The following DPP10 variants were observed in gnomAD, a reference collection of about 807,000 sequenced individuals.
DPP10 encodes the protein dipeptidyl peptidase like 10.
In DPP10, 33 loss-of-function variants were observed where a neutral mutation model predicts 120.9. The ratio of observed to expected loss-of-function variants is 0.27; its 90% CI spans 0.21 to 0.37. The LOEUF (loss-of-function observed/expected upper bound fraction) is 0.37. Among genes scored for constraint, DPP10 ranks in the 10% least tolerant of loss-of-function variants. The pLI is 1.00. For synonymous variants in DPP10, 337 were observed against 326.1 expected, an observed-to-expected ratio of 1.03 and a Z score of -0.36; for missense variants, 816 against 942.8, an observed-to-expected ratio of 0.87 and a Z score of 1.76.
intron 5 of DPP10, among the ~76,000 whole-genome samples, chr2:115,527,344 C>G (rs1177703927): frequency 6.6e-6 from 1 of 152,008 alleles, no homozygotes; most frequent in Non-Finnish European, 1.5e-5. Flanking sequence ...AAAAAGCCCA[C>G]AAAAAACAAA....
intron 7 of DPP10, among the ~76,000 whole-genome samples, chr2:115,724,936 G>A (rs537067782): frequency 2.6e-5 from 4 of 152,194 alleles, no homozygotes; most frequent in East Asian, 3.9e-4. Context: ...GATCTCACAC[G>A]AACCCACTCA....
chr2:114,582,162 CT>C (rs1690583327), intron 1 of DPP10, among the ~76,000 whole-genome samples: 1 of 152,172 alleles, frequency 6.6e-6, no homozygotes, highest in Non-Finnish European at 1.5e-5. Flanking sequence ...CTTTTTATGT[CT>C]CCATAGTTTT....
chr2:115,270,545 T>C (rs1003830357), intron 1 of DPP10, among the ~76,000 whole-genome samples: 11 of 152,226 alleles, frequency 7.2e-5, no homozygotes, highest in Non-Finnish European at 1.6e-4. Context: ...GACATTAGGT[T>C]TTGTGGTACT....
intron 7 of DPP10, among the ~76,000 whole-genome samples, chr2:115,712,765 CAAAAT>C: frequency 6.6e-6 from 1 of 150,680 alleles, no homozygotes; most frequent in Admixed American, 6.6e-5. Context: ...TGTAGTTATT[CAAAAT>C]AAAATAATAA....
chr2:114,688,211 G>T (rs988926393), intron 1 of DPP10, among the ~76,000 whole-genome samples: 1 of 151,884 alleles, frequency 6.6e-6, no homozygotes, highest in African/African-American at 2.4e-5. Flanking sequence ...TGGAGAAGAG[G>T]GTGGGGCTAG....
At chr2:115,328,333 T>C (rs972050248) in intron 2 of DPP10, among the ~76,000 whole-genome samples, 1 of 152,098 alleles carries the variant, frequency 6.6e-6, no homozygotes, top group African/African-American at 2.4e-5. Context: ...TTGAAAAAGG[T>C]CTCAGAAAGA....
chr2:114,689,550 A>G (rs1258952588), intron 1 of DPP10, among the ~76,000 whole-genome samples: 1 of 151,934 alleles, frequency 6.6e-6, no homozygotes, highest in East Asian at 1.9e-4. Context: ...ACATATGTGT[A>G]CATACATCTT....
intron 3 of DPP10, among the ~76,000 whole-genome samples, chr2:115,414,890 AGG>A: frequency 6.7e-6 from 1 of 148,658 alleles, no homozygotes; most frequent in African/African-American, 2.5e-5. Flanking sequence ...AAGGCTTGGA[AGG>A]TAAGTAAGCA....
chr2:115,446,765 C>G (rs1377059251), intron 3 of DPP10, among the ~76,000 whole-genome samples: 1 of 152,116 alleles, frequency 6.6e-6, no homozygotes, highest in African/African-American at 2.4e-5. Flanking sequence ...CACTATTTTA[C>G]TGGGGCCCAT....
At chr2:115,801,111 T>C (rs1685180261) in intron 19 of DPP10, among the ~76,000 whole-genome samples, 1 of 152,022 alleles carries the variant, frequency 6.6e-6, no homozygotes, top group South Asian at 2.1e-4. Context: ...TTTATTTCCT[T>C]GAGCAGTGGT....
intron 1 of DPP10, among the ~76,000 whole-genome samples, chr2:114,451,779 A>G (rs891169188): frequency 6.6e-6 from 1 of 152,132 alleles, no homozygotes; most frequent in Non-Finnish European, 1.5e-5. Flanking sequence ...ATCTAAATTC[A>G]GGACACAGTT....
intron 1 of DPP10, among the ~76,000 whole-genome samples, chr2:114,763,525 T>C (rs954148599): frequency 3.3e-5 from 5 of 152,326 alleles, no homozygotes; most frequent in East Asian, 1.9e-4. Context: ...GTTTAAAGTA[T>C]GTTTCTGGAT....
chr2:115,842,299 A>C lies in DPP10; in HGVS notation c.2345A>C (p.Lys782Thr). The C allele has an allele frequency of 6.2e-7, 1 of 1,614,068 alleles. No individual in the cohort carries two copies. Among genetic ancestry groups the C allele is most frequent in the Non-Finnish European group, 8.5e-7 (1 of 1,179,944 alleles). Residue 782 changes from lysine (K) to threonine (T), a missense_variant, in exon 26 of 26, where the codon AAG becomes ACG. Coordinates refer to ENST00000410059, the MANE Select transcript of DPP10 (RefSeq NM_020868.6). The stretch of plus-strand genomic sequence containing the variant: ...CTCAAATTCTTCAGTGATTGTTTGA[A>C]GGAAGAAATATCTGTGCTACCACAG... Reference protein sequence around the residue: ...TILKFFSDCLKEEISVLPQEP... With the variant: ...TILKFFSDCLTEEISVLPQEP...
At chr2:114,449,933 AT>A (rs914933528) in intron 1 of DPP10, among the ~76,000 whole-genome samples, 6 of 152,194 alleles carry the variant, frequency 3.9e-5, no homozygotes. Flanking sequence ...CATCTGCAAG[AT>A]TTCATCATGA....
intron 24 of DPP10, 135 bp downstream of exon 24, chr2:115,836,881 C>T: frequency 1.4e-6 from 1 of 708,314 alleles, no homozygotes; most frequent in African/African-American, 1.8e-5. Context: ...GAATCAGATA[C>T]ATGATAGAAG....
At chr2:115,680,479 C>G (rs1479595548) in intron 5 of DPP10, among the ~76,000 whole-genome samples, 1 of 151,772 alleles carries the variant, frequency 6.6e-6, no homozygotes, top group Non-Finnish European at 1.5e-5. Flanking sequence ...AGAAAAATGA[C>G]AAATTACAGA....
In DPP10 at chr2:114,460,425, T is replaced by C. The variant is rs1678834216; in HGVS notation, c.60+17587T>C. Among the ~76,000 whole-genome samples, 3 of 152,166 alleles carry C rather than the reference T, an allele frequency of 2.0e-5. No homozygotes were observed. The South Asian group carries it at 6.2e-4, about 32-fold the overall frequency. ...CTAGGGTTTAATTACAATTACTTCC[T>C]AGAGAAAAAGCTCCTTTGTCTGAAC... On this transcript the variant is annotated intron_variant, in intron 1 of 25. Transcript: ENST00000410059.
At chr2:115,006,915 AT>A (rs1275271334) in intron 1 of DPP10, among the ~76,000 whole-genome samples, 1 of 151,882 alleles carries the variant, frequency 6.6e-6, no homozygotes, top group Admixed American at 6.6e-5. Flanking sequence ...CAGAATATAC[AT>A]TTTTTTCAGC....
intron 3 of DPP10, among the ~76,000 whole-genome samples, chr2:115,414,230 T>A (rs1048712144): frequency 6.6e-6 from 1 of 152,172 alleles, no homozygotes; most frequent in Non-Finnish European, 1.5e-5. Flanking sequence ...CCCACTCTAT[T>A]ATTATAGAGA....
Sources: gnomAD v4.1 joint callset for allele counts (sites outside exome capture counted in the v4.1 genomes callset) on GRCh38, gnomAD v4.1.1 for gene constraint, MANE v1.5 for transcripts, NCBI Gene and HGNC (gene_info 2026-07-23, HGNC 2026-07-21) for gene names.